RSAD2: variants seen among roughly 807,000 people sequenced by gnomAD.
RSAD2 encodes the protein S-adenosylmethionine-dependent nucleotide dehydratase RSAD2.
In RSAD2, 38 loss-of-function variants were observed where a neutral mutation model predicts 37.7. The observed-to-expected ratio is 1.01, with a 90% CI of 0.78 to 1.32. The LOEUF (loss-of-function observed/expected upper bound fraction) is 1.32. RSAD2 is among the 40% of genes most tolerant of loss of function. The pLI, the probability that RSAD2 is intolerant of heterozygous loss-of-function variation, is 0.00. For missense variants in RSAD2, 428 were observed against 437.5 expected, an observed-to-expected ratio of 0.98 and a Z score of 0.19; for synonymous variants, 163 against 157.4, an observed-to-expected ratio of 1.04 and a Z score of -0.27.
At chr2:6,889,690 T>G (rs952086555) in intron 3 of RSAD2, among the ~76,000 whole-genome samples, 1 of 152,240 alleles carries the variant, frequency 6.6e-6, no homozygotes, top group African/African-American at 2.4e-5. Flanking sequence ...ATTTGTTTAC[T>G]TAAAAGACTG....
chr2:6,873,936 T>C (rs1663241317), upstream of RSAD2, among the ~76,000 whole-genome samples: 1 of 152,196 alleles, frequency 6.6e-6, no homozygotes, highest in African/African-American at 2.4e-5. Flanking sequence ...TATGATATGG[T>C]TTAGATTTGT....
At chr2:6,865,950 G>C (rs1435320591) in exon 1 of RSAD2, 1 of 1,280,414 alleles carries the variant, frequency 7.8e-7, no homozygotes, top group African/African-American at 1.6e-5. Context: ...GCTTGGCCCC[G>C]GGGCCCCAGG....
At chr2:6,891,558 G>A (rs1409702470) in intron 4 of RSAD2, among the ~76,000 whole-genome samples, 1 of 152,126 alleles carries the variant, frequency 6.6e-6, no homozygotes, top group African/African-American at 2.4e-5. Context: ...ACGAGGTCAG[G>A]AAATCGAGAC....
intron 4 of RSAD2, among the ~76,000 whole-genome samples, chr2:6,891,659 C>T (rs1386740375): frequency 6.6e-6 from 1 of 151,974 alleles, no homozygotes; most frequent in East Asian, 1.9e-4. Flanking sequence ...CCCAGCTACT[C>T]GAGAGGCTGA....
intron 1 of RSAD2, among the ~76,000 whole-genome samples, chr2:6,867,011 C>T (rs1461248840): frequency 6.6e-6 from 1 of 152,146 alleles, no homozygotes; most frequent in Non-Finnish European, 1.5e-5. Flanking sequence ...TATTCTTTCT[C>T]AGGAATTTCA....
At chr2:6,876,244 C>T (rs1663279529), upstream of RSAD2, among the ~76,000 whole-genome samples, 2 of 152,162 alleles carry the variant, frequency 1.3e-5, no homozygotes, top group Admixed American at 6.5e-5. Flanking sequence ...GCCGGCTTCC[C>T]CTGCAGTAGG....
At position 6,883,070 on chromosome 2, in the gene RSAD2, G is replaced by A. The variant is rs556094463; in HGVS notation, c.347-301G>A. On this transcript the variant is annotated intron_variant, in intron 1 of 5. Transcript: ENST00000382040. ...TGGCAGCTGGCCCGTGGACAGTCAC[G>A]CCACATGGCAGGCATGTGGCTTTAT... Among the ~76,000 whole-genome samples the A allele has an allele frequency of 2.0e-5, 3 of 152,292 alleles. No individual in the cohort carries two copies. In the South Asian group the frequency reaches 6.2e-4, roughly 32 times the overall value.
At chr2:6,895,102 T>G (rs1663713811) in intron 5 of RSAD2, among the ~76,000 whole-genome samples, 1 of 150,816 alleles carries the variant, frequency 6.6e-6, no homozygotes, top group South Asian at 2.1e-4. Flanking sequence ...AAGAAATCGT[T>G]TCTGCCTACA....
intron 3 of RSAD2, 109 bp from the exon 4 acceptor site, chr2:6,890,067 G>T (rs752324793): frequency 1.5e-5 from 15 of 1,027,178 alleles, no homozygotes; most frequent in East Asian, 9.6e-5. Flanking sequence ...TCCTCAGCTC[G>T]TAGAGTCTCT....
intron 4 of RSAD2, among the ~76,000 whole-genome samples, chr2:6,892,069 A>T (rs1002151172): frequency 1.3e-5 from 2 of 152,208 alleles, no homozygotes; most frequent in South Asian, 2.1e-4. Flanking sequence ...TCACCTTTAT[A>T]ACTTTTTGAA....
At position 6,897,537 on chromosome 2, in the gene RSAD2, T is replaced by C. The variant is rs1380908183; in HGVS notation, c.*1595T>C. 1.3e-5 allele frequency: 2 copies of C among 152,200 alleles called. No individual in the cohort carries two copies. The highest frequency in any genetic ancestry group is 6.5e-5 in the Admixed American group (1 of 15,290). 9.4% of individuals were successfully genotyped at this position (152,200 alleles called of 1,614,324 possible). ...AAATATGTGTGTGTCTCATCCAGGA[T>C]AGGATAGGTTGTCTTCTATTTTCCA... On this transcript the variant is annotated 3_prime_UTR_variant, in exon 6 of 6. Transcript: ENST00000382040.
At chr2:6,876,669 T>C (rs747354405), upstream of RSAD2, 1 of 152,226 alleles carries the variant, frequency 6.6e-6, no homozygotes, top group African/African-American at 2.4e-5. Flanking sequence ...AAGTTAAACA[T>C]GTTTAATTTT....
rs1361602224 is a variant in RSAD2 at position 6,897,734 on chromosome 2, T to C, written c.*1792T>C. The C allele has an allele frequency of 6.6e-6, 1 of 152,216 alleles. No homozygotes were observed. The highest frequency in any genetic ancestry group is 2.4e-5 in the African/African-American group (1 of 41,450). The allele number at this position is 152,216 out of a possible 1,614,324, so 9.4% of individuals were successfully genotyped here. A position where few individuals can be genotyped will look rare whatever the true frequency, so the allele number is the denominator to read the frequency against. Reference sequence around the variant, plus strand: ...TTACTAATCCTCATGGCACAGTGGCTCACGCCTGTAATCCCAGCACTTGGG... The same window carrying C: ...TTACTAATCCTCATGGCACAGTGGCCCACGCCTGTAATCCCAGCACTTGGG... On this transcript the variant is annotated 3_prime_UTR_variant, in exon 6 of 6. Coordinates refer to ENST00000382040, the MANE Select transcript of RSAD2 (RefSeq NM_080657.5).
At chr2:6,890,904 A>G (rs1663617640) in intron 4 of RSAD2, among the ~76,000 whole-genome samples, 1 of 152,152 alleles carries the variant, frequency 6.6e-6, no homozygotes, top group African/African-American at 2.4e-5. Context: ...GTATAACTAG[A>G]AGCCGGGTAT....
chr2:6,871,338 T>C (rs914702064), intron 1 of RSAD2, among the ~76,000 whole-genome samples: 1 of 152,218 alleles, frequency 6.6e-6, no homozygotes, highest in African/African-American at 2.4e-5. Flanking sequence ...GGTTTTCACC[T>C]AGTTATTTTA....
intron 1 of RSAD2, among the ~76,000 whole-genome samples, chr2:6,870,675 C>T (rs528822679): frequency 6.6e-6 from 1 of 152,318 alleles, no homozygotes; most frequent in East Asian, 1.9e-4. Context: ...TAGGAGGAAG[C>T]CTTTCCAGCC....
At chr2:6,887,261 C>T (rs989981653) in intron 3 of RSAD2, 97 bp downstream of exon 3, 80 of 875,966 alleles carry the variant, frequency 9.1e-5, no homozygotes, top group Non-Finnish European at 1.2e-4. Flanking sequence ...TACAAGAGAA[C>T]TCTGGACCTC....
intron 1 of RSAD2, among the ~76,000 whole-genome samples, chr2:6,870,906 G>A (rs1663192877): frequency 6.6e-6 from 1 of 152,170 alleles, no homozygotes; most frequent in African/African-American, 2.4e-5. Context: ...GGATTTACGA[G>A]CCAAAATTAT....
chr2:6,893,771 G>T (rs1006227934), intron 5 of RSAD2, 68 bp downstream of exon 5: 2 of 1,108,848 alleles, frequency 1.8e-6, no homozygotes, highest in Admixed American at 1.7e-5. Context: ...GCAGAGTTGA[G>T]TTCCATGAGC....
Sources: allele counts gnomAD v4.1 joint callset (sites outside exome capture counted in the v4.1 genomes callset), GRCh38; gene constraint gnomAD v4.1.1; transcripts MANE v1.5; gene names NCBI Gene and HGNC (gene_info 2026-07-23, HGNC 2026-07-21).